The following THSD7A variants were observed in gnomAD, a reference collection of about 807,000 sequenced individuals.
THSD7A encodes thrombospondin type-1 domain-containing protein 7A.
A neutral mutation model predicts 231.3 loss-of-function variants in THSD7A; 96 were observed. The observed-to-expected ratio is 0.41, with a 90% CI of 0.35 to 0.49. The LOEUF is 0.49. Among genes scored for constraint, THSD7A ranks in the 20% least tolerant of loss-of-function variants. The pLI, the probability that THSD7A is intolerant of heterozygous loss-of-function variation, is 0.05. For synonymous variants in THSD7A, 940 were observed against 743.3 expected (o/e 1.26, Z -4.30); for missense variants, 2,290 against 2,070.2 (o/e 1.11, Z -2.06).
chr7:11,424,614 G>T, intron 16 of THSD7A, 82 bp downstream of exon 16: 1 of 1,561,166 alleles, frequency 6.4e-7, no homozygotes, highest in Non-Finnish European at 8.7e-7. Flanking sequence ...GACTGGGGAG[G>T]AGTGAACAGT....
intron 1 of THSD7A, among the ~76,000 whole-genome samples, chr7:11,675,963 T>A (rs1367941794): frequency 6.6e-6 from 1 of 152,212 alleles, no homozygotes; most frequent in Non-Finnish European, 1.5e-5. Flanking sequence ...ATGAGCCTCC[T>A]GATGGGGAGA....
intron 1 of THSD7A, among the ~76,000 whole-genome samples, chr7:11,756,823 T>C (rs981635535): frequency 6.6e-6 from 1 of 152,060 alleles, no homozygotes; most frequent in African/African-American, 2.4e-5. Context: ...CAACAGCAAG[T>C]GAGAAATTAA....
At chr7:11,702,766 C>G (rs1002497613) in intron 1 of THSD7A, among the ~76,000 whole-genome samples, 16 of 151,044 alleles carry the variant, frequency 1.1e-4, no homozygotes, top group Admixed American at 1.1e-3. Context: ...ATATGAGTAC[C>G]TATCTTTGTG....
At chr7:11,782,803 C>T (rs1783674474) in intron 1 of THSD7A, among the ~76,000 whole-genome samples, 1 of 152,014 alleles carries the variant, frequency 6.6e-6, no homozygotes. Flanking sequence ...GCATTAGGGA[C>T]TTTGCAATTT....
At position 11,375,706 on chromosome 7, in the gene THSD7A, C is replaced by T. The variant is rs1490611995; in HGVS notation, c.*88G>A. On this transcript the variant is annotated 3_prime_UTR_variant, in exon 28 of 28. Coordinates refer to ENST00000423059, the MANE Select transcript of THSD7A (RefSeq NM_015204.3). ...TTTAAAAATTAAAATATATTTTAATCCACACAGTTTGGATACATTTGTTGT... is the reference window on the plus strand; with the variant it reads ...TTTAAAAATTAAAATATATTTTAATTCACACAGTTTGGATACATTTGTTGT... 2.9e-6 allele frequency: 3 copies of T among 1,051,750 alleles called. No individual in the cohort carries two copies. The highest frequency in any genetic ancestry group is 2.2e-5 in the Admixed American group (1 of 44,910). The allele number at this position is 1,051,750 out of a possible 1,614,324, so 65.2% of individuals were successfully genotyped here.
intron 1 of THSD7A, among the ~76,000 whole-genome samples, chr7:11,784,097 C>A (rs1039746764): frequency 1.3e-5 from 2 of 151,778 alleles, no homozygotes; most frequent in African/African-American, 2.4e-5. Context: ...TAAACATATC[C>A]TCCTTTGAAA....
rs1226439423 is a variant in THSD7A at position 11,552,233 on chromosome 7, G to A, written c.1454-9116C>T. On this transcript the variant is annotated intron_variant, in intron 4 of 27. Coordinates refer to ENST00000423059, the MANE Select transcript of THSD7A (RefSeq NM_015204.3). ...ATTGAGTACTATGCTCATTACCTGG[G>A]TGATGAAATCTATACACTAACCCCC... Among the ~76,000 whole-genome samples, 9 of 151,954 alleles carry A rather than the reference G, an allele frequency of 5.9e-5. No individual in the cohort carries two copies. In the South Asian group the frequency reaches 1.2e-3, roughly 21 times the overall value.
chr7:11,712,012 C>T (rs549438609), intron 1 of THSD7A, among the ~76,000 whole-genome samples: 2 of 151,138 alleles, frequency 1.3e-5, no homozygotes, highest in Admixed American at 6.6e-5. Flanking sequence ...TCAGCTGAAA[C>T]CTTCCTCCCA....
Position 11,793,663 on chromosome 7 carries a change from C to A in THSD7A, c.190+38094G>T, listed in dbSNP as rs1562560289. ...TATGTAGTCATGAAATAAGAAGATA[C>A]TTTTTAAAAGTCATGTGGAAATGGT... On this transcript the variant is annotated intron_variant, in intron 1 of 27. Coordinates refer to ENST00000423059, the MANE Select transcript of THSD7A (RefSeq NM_015204.3). Among the ~76,000 whole-genome samples, 3 of 151,564 alleles carry A rather than the reference C, an allele frequency of 2.0e-5. No homozygotes were observed. The South Asian group carries it at 6.2e-4, about 31-fold the overall frequency.
intron 20 of THSD7A, 93 bp downstream of exon 20, chr7:11,407,213 C>A: frequency 7.0e-7 from 1 of 1,436,378 alleles, no homozygotes; most frequent in Non-Finnish European, 9.6e-7. Context: ...TCCAACCTTT[C>A]TGAAGATTAT....
intron 1 of THSD7A, among the ~76,000 whole-genome samples, chr7:11,755,726 G>A (rs1301912378): frequency 2.0e-5 from 3 of 152,150 alleles, no homozygotes; most frequent in Admixed American, 2.0e-4. Context: ...GCTCAGAGCA[G>A]ACCAGGGGAA....
intron 6 of THSD7A, among the ~76,000 whole-genome samples, chr7:11,503,155 T>C (rs1583861843): frequency 6.6e-6 from 1 of 151,952 alleles, no homozygotes; most frequent in Non-Finnish European, 1.5e-5. Context: ...AGAAATAAGG[T>C]TGCACATCTA....
chr7:11,417,976 T>C (rs1784017880), intron 16 of THSD7A, among the ~76,000 whole-genome samples: 1 of 152,196 alleles, frequency 6.6e-6, no homozygotes, highest in Non-Finnish European at 1.5e-5. Context: ...AAGAGCTTCG[T>C]AGAGGGCTTA....
At chr7:11,624,281 A>G (rs1404713950) in intron 2 of THSD7A, among the ~76,000 whole-genome samples, 1 of 151,984 alleles carries the variant, frequency 6.6e-6, no homozygotes, top group Non-Finnish European at 1.5e-5. Context: ...GACCCCTCCA[A>G]TCCATTCTGC....
intron 2 of THSD7A, among the ~76,000 whole-genome samples, chr7:11,608,329 A>T (rs1393573476): frequency 2.0e-5 from 3 of 152,210 alleles, no homozygotes; most frequent in Non-Finnish European, 4.4e-5. Flanking sequence ...AAGATGTTTT[A>T]GATATCAATA....
chr7:11,636,677 C>T lies in THSD7A; in HGVS notation c.475G>A (p.Ala159Thr), dbSNP rs375485239. The T allele has an allele frequency of 1.2e-6, 2 of 1,613,900 alleles. No homozygotes were observed. The highest frequency in any genetic ancestry group is 2.2e-5 in the East Asian group (1 of 44,892). The stretch of plus-strand genomic sequence containing the variant: ...ATGTCTTTGTCTTTCTGGATGCACG[C>T]TATCTCCCTCACCTGAATACCTTCT... ...GEEGIQVREI[A>T]CIQKDKDIPA... Residue 159 changes from alanine (A) to threonine (T), a missense_variant, in exon 2 of 28, where the codon GCG (alanine) becomes ACG (threonine). Physicochemically the swap from Ala to Thr is moderately conservative, Grantham distance 58. Transcript: ENST00000423059. This position sits in a 1 kb window ranked among gnomAD's most constrained non-coding sequence, Gnocchi z 10.0.
chr7:11,754,277 T>A lies in THSD7A; in HGVS notation c.190+77480A>T, dbSNP rs566107179. ...AGACTGAAATGATAAAAATAGAGAG[T>A]AACGGAAGTGAGAACTCGAGGTAAG... On this transcript the variant is annotated intron_variant, in intron 1 of 27. Transcript: ENST00000423059. Among the ~76,000 whole-genome samples, 35 of 151,520 alleles carry A rather than the reference T, an allele frequency of 2.3e-4. No homozygotes were observed. The South Asian group carries it at 4.6e-3, about 20-fold the overall frequency.
intron 6 of THSD7A, among the ~76,000 whole-genome samples, chr7:11,513,170 G>A (rs1423040294): frequency 6.6e-6 from 1 of 151,230 alleles, no homozygotes; most frequent in Non-Finnish European, 1.5e-5. Flanking sequence ...AAGAGTGGGA[G>A]GGGTGCCAGG....
At chr7:11,774,915 C>T (rs561469533) in intron 1 of THSD7A, among the ~76,000 whole-genome samples, 1 of 152,116 alleles carries the variant, frequency 6.6e-6, no homozygotes, top group African/African-American at 2.4e-5. Flanking sequence ...ATTAGCTGTG[C>T]GTGGTGGCAT....
Sources: gnomAD v4.1 joint callset for allele counts (sites outside exome capture counted in the v4.1 genomes callset) on GRCh38, gnomAD v4.1.1 for gene constraint, Gnocchi (gnomAD v3.1) non-coding constraint, MANE v1.5 for transcripts, NCBI Gene and HGNC (gene_info 2026-07-23, HGNC 2026-07-21) for gene names.